The following LYRM4 variants were observed in gnomAD, a reference collection of about 807,000 sequenced individuals.
LYRM4 encodes the protein LYR motif-containing protein 4.
In LYRM4, 9 loss-of-function variants were observed where a neutral mutation model predicts 11.7. The ratio of observed to expected loss-of-function variants is 0.77; its 90% CI spans 0.46 to 1.34. The LOEUF is 1.34. Among genes scored for constraint, LYRM4 ranks in the 40% most tolerant of loss-of-function variants. The pLI, the probability that LYRM4 is intolerant of heterozygous loss-of-function variation, is 0.00. For missense variants in LYRM4, 133 were observed against 112.5 expected, an observed-to-expected ratio of 1.18 and a Z score of -0.82; for synonymous variants, 42 against 40.4, an observed-to-expected ratio of 1.04 and a Z score of -0.15.
chr6:5,148,793 TATA>T (rs1757926464), intron 2 of LYRM4, among the ~76,000 whole-genome samples: 1 of 152,188 alleles, frequency 6.6e-6, no homozygotes, highest in Non-Finnish European at 1.5e-5. Context: ...ATATGAAAGA[TATA>T]ATGGAATAAC....
chr6:5,085,991 T>G, the LYRM4 span: 1 of 1,525,472 alleles, frequency 6.6e-7, no homozygotes, highest in South Asian at 1.2e-5. Flanking sequence ...AGCTTCCCTA[T>G]GCGTGCCGAG....
intron 2 of LYRM4, among the ~76,000 whole-genome samples, chr6:5,179,015 C>G (rs1395817223): frequency 7.1e-6 from 1 of 141,840 alleles, no homozygotes; most frequent in African/African-American, 2.6e-5. Flanking sequence ...TGCTTTTCTT[C>G]TCACTGAGAA....
chr6:5,223,584 T>C (rs532704228), intron 1 of LYRM4, among the ~76,000 whole-genome samples: 3 of 152,316 alleles, frequency 2.0e-5, no homozygotes, highest in East Asian at 1.9e-4. Context: ...AAATTGTCTC[T>C]GGCATCACAA....
chr6:5,115,721 T>C (rs929337561), intron 2 of LYRM4, among the ~76,000 whole-genome samples: 3 of 152,220 alleles, frequency 2.0e-5, no homozygotes, highest in African/African-American at 7.2e-5. Flanking sequence ...ACCAAATTTA[T>C]AGTCTGCTTT....
chr6:5,154,767 C>T (rs558189043), intron 2 of LYRM4, among the ~76,000 whole-genome samples: 36 of 152,092 alleles, frequency 2.4e-4, no homozygotes, highest in East Asian at 9.7e-4. Context: ...TGCAGTGAGC[C>T]GGGATCGCGC....
intron 2 of LYRM4, among the ~76,000 whole-genome samples, chr6:5,213,701 C>T (rs1762101729): frequency 6.6e-6 from 1 of 152,156 alleles, no homozygotes; most frequent in South Asian, 2.1e-4. Context: ...GCCAAAAAGA[C>T]ACCCTGATTT....
the LYRM4 span, among the ~76,000 whole-genome samples, chr6:5,068,579 C>T: frequency 1.3e-5 from 2 of 152,252 alleles, no homozygotes; most frequent in East Asian, 1.9e-4. This position sits in a 1 kb window ranked among gnomAD's most constrained non-coding sequence, Gnocchi z 4.0. Flanking sequence ...ACGCCGCAGC[C>T]CTTCCAAATA....
At chr6:5,150,023 C>T (rs563555344) in intron 2 of LYRM4, among the ~76,000 whole-genome samples, 2 of 152,328 alleles carry the variant, frequency 1.3e-5, no homozygotes, top group Non-Finnish European at 1.5e-5. Flanking sequence ...CAGATGAACA[C>T]AGCAGCATGC....
chr6:5,233,312 T>C (rs1277693428), intron 1 of LYRM4, among the ~76,000 whole-genome samples: 1 of 152,240 alleles, frequency 6.6e-6, no homozygotes, highest in Non-Finnish European at 1.5e-5. Context: ...TTTCCCAGCA[T>C]GTGTTATGTG....
intron 1 of LYRM4, among the ~76,000 whole-genome samples, chr6:5,227,567 G>C (rs551056147): frequency 2.0e-5 from 3 of 152,250 alleles, no homozygotes; most frequent in Non-Finnish European, 1.5e-5. Context: ...ATTCCCCAAG[G>C]AATTTGTGTG....
chr6:5,160,165 C>G (rs993387711), intron 2 of LYRM4, among the ~76,000 whole-genome samples: 2 of 152,096 alleles, frequency 1.3e-5, no homozygotes, highest in African/African-American at 4.8e-5. Flanking sequence ...TGTGTGTGTA[C>G]CATTCCCTTC....
Position 5,108,931 on chromosome 6 carries a change from T to C in LYRM4, c.*492A>G, listed in dbSNP as rs537539487. Reference sequence around the variant, plus strand: ...CCATGCTGCCCCCAGTCTCAAGTGGTGCTTGAACTTGCCTTCACCAAGGCA... The same window carrying C: ...CCATGCTGCCCCCAGTCTCAAGTGGCGCTTGAACTTGCCTTCACCAAGGCA... On this transcript the variant is annotated 3_prime_UTR_variant, in exon 3 of 3. Transcript: ENST00000330636. The C allele has an allele frequency of 1.0e-6, 1 of 996,208 alleles. No individual in the cohort carries two copies. The highest frequency in any genetic ancestry group is 4.5e-5 in the South Asian group (1 of 22,398). 61.7% of individuals were successfully genotyped at this position (996,208 alleles called of 1,614,324 possible). A position where few individuals can be genotyped will look rare whatever the true frequency, so the allele number is the denominator to read the frequency against.
intron 2 of LYRM4, among the ~76,000 whole-genome samples, chr6:5,137,962 T>TA (rs1218661811): frequency 6.6e-6 from 1 of 152,190 alleles, no homozygotes; most frequent in Non-Finnish European, 1.5e-5. Flanking sequence ...TCCACTGTGT[T>TA]ACTCAGAGGC....
chr6:5,067,964 T>G, the LYRM4 span, among the ~76,000 whole-genome samples: 1 of 152,202 alleles, frequency 6.6e-6, no homozygotes, highest in Non-Finnish European at 1.5e-5. Context: ...TAAATTAACT[T>G]TCACATACTT....
At chr6:5,085,963 G>A in the LYRM4 span, 5 of 1,527,420 alleles carry the variant, frequency 3.3e-6, no homozygotes. Context: ...GCCGCCCGCC[G>A]TGCTCTCGCG....
intron 1 of LYRM4, among the ~76,000 whole-genome samples, chr6:5,258,742 A>C (rs2127786059): frequency 6.6e-6 from 1 of 152,302 alleles, no homozygotes; most frequent in Non-Finnish European, 1.5e-5. Context: ...TTGGATAGTA[A>C]ATTTAGCTTA....
chr6:5,194,699 A>C (rs1207490928), intron 2 of LYRM4, among the ~76,000 whole-genome samples: 2 of 152,212 alleles, frequency 1.3e-5, no homozygotes, highest in Non-Finnish European at 2.9e-5. Flanking sequence ...TAAATCAGAA[A>C]ATTAGGAAAA....
At chr6:5,188,854 T>C (rs1760577932) in intron 2 of LYRM4, among the ~76,000 whole-genome samples, 1 of 152,140 alleles carries the variant, frequency 6.6e-6, no homozygotes, top group South Asian at 2.1e-4. Context: ...GCCTTGACCT[T>C]TGGGGCTCAA....
At chr6:5,101,050 C>T (rs1176736492), downstream of LYRM4, among the ~76,000 whole-genome samples, 3 of 151,470 alleles carry the variant, frequency 2.0e-5, no homozygotes, top group Non-Finnish European at 4.4e-5. Flanking sequence ...CTCTGTGTAT[C>T]TCTCCCTAGC....
Sources: gnomAD v4.1 joint callset for allele counts (sites outside exome capture counted in the v4.1 genomes callset) on GRCh38, gnomAD v4.1.1 for gene constraint, Gnocchi (gnomAD v3.1) non-coding constraint, MANE v1.5 for transcripts, NCBI Gene and HGNC (gene_info 2026-07-23, HGNC 2026-07-21) for gene names.